CALN1: variants seen among roughly 807,000 people sequenced by gnomAD.
CALN1 encodes calneuron 1, also known as calcium-binding protein 8.
CALN1 carries 17 observed loss-of-function variants against 30.6 expected under a neutral mutation model. The observed-to-expected ratio is 0.56, with a 90% CI of 0.38 to 0.83. CALN1 has a LOEUF of 0.83. Among genes scored for constraint, CALN1 ranks in the 40% least tolerant of loss-of-function variants. CALN1 has a pLI of 0.00. For missense variants in CALN1, 291 were observed against 354.9 expected, an observed-to-expected ratio of 0.82 and a Z score of 1.45; for synonymous variants, 156 against 131.4, an observed-to-expected ratio of 1.19 and a Z score of -1.28.
intron 2 of CALN1, among the ~76,000 whole-genome samples, chr7:72,312,936 A>G (rs889802720): frequency 1.6e-4 from 24 of 152,048 alleles, no homozygotes; most frequent in Admixed American, 6.6e-4. Flanking sequence ...CCGGGTTCAA[A>G]TGATTCTCCT....
intron 2 of CALN1, among the ~76,000 whole-genome samples, chr7:72,361,733 G>C (rs2129559812): frequency 6.6e-6 from 1 of 152,266 alleles, no homozygotes; most frequent in East Asian, 1.9e-4. Flanking sequence ...GAAGTAAAAA[G>C]AACGGAAAGG....
chr7:72,171,453 A>C (rs920655961), intron 3 of CALN1, among the ~76,000 whole-genome samples: 8 of 152,128 alleles, frequency 5.3e-5, no homozygotes, highest in African/African-American at 1.4e-4. Context: ...GTGAGACCCC[A>C]TTTTTCTTAA....
chr7:72,327,058 C>A (rs1365763722), intron 2 of CALN1, among the ~76,000 whole-genome samples: 2 of 152,214 alleles, frequency 1.3e-5, no homozygotes, highest in Non-Finnish European at 2.9e-5. Flanking sequence ...CAACACTATT[C>A]AGTCATATTG....
At chr7:72,322,617 T>G (rs533063690) in intron 2 of CALN1, among the ~76,000 whole-genome samples, 1 of 151,734 alleles carries the variant, frequency 6.6e-6, no homozygotes, top group Non-Finnish European at 1.5e-5. Flanking sequence ...TTAAAACAAT[T>G]GAACTCATAG....
chr7:72,361,955 C>A (rs559227430), intron 2 of CALN1, among the ~76,000 whole-genome samples: 1 of 151,964 alleles, frequency 6.6e-6, no homozygotes, highest in South Asian at 2.1e-4. Flanking sequence ...TTTTTTCTTA[C>A]GCAGTTTTAT....
At chr7:72,311,391 A>G (rs1321824240) in intron 2 of CALN1, among the ~76,000 whole-genome samples, 1 of 151,894 alleles carries the variant, frequency 6.6e-6, no homozygotes, top group Non-Finnish European at 1.5e-5. Context: ...TTTTGGGGGG[A>G]GTCAAAAGTT....
chr7:71,994,230 G>GT (rs1799121207), intron 5 of CALN1, among the ~76,000 whole-genome samples: 1 of 152,044 alleles, frequency 6.6e-6, no homozygotes, highest in Non-Finnish European at 1.5e-5. Flanking sequence ...AGTAAAATTG[G>GT]GCCAGGCACG....
intron 3 of CALN1, among the ~76,000 whole-genome samples, chr7:72,240,919 T>G (rs1794786148): frequency 6.6e-6 from 1 of 152,184 alleles, no homozygotes; most frequent in African/African-American, 2.4e-5. Flanking sequence ...AAATATTTGG[T>G]TTTTAAAAGC....
the CALN1 span, among the ~76,000 whole-genome samples, chr7:72,501,968 A>AAT: frequency 1.0e-5 from 1 of 97,610 alleles, no homozygotes; most frequent in African/African-American, 5.1e-5. Context: ...TATATATATA[A>AAT]ATATATATAC....
At chr7:72,354,162 G>C (rs1803093502) in intron 2 of CALN1, among the ~76,000 whole-genome samples, 1 of 152,122 alleles carries the variant, frequency 6.6e-6, no homozygotes, top group Admixed American at 6.5e-5. Context: ...ACTCCAGCCT[G>C]GGTGACAGAG....
intron 5 of CALN1, among the ~76,000 whole-genome samples, chr7:71,935,852 G>C (rs1795801142): frequency 6.6e-6 from 1 of 152,174 alleles, no homozygotes; most frequent in Non-Finnish European, 1.5e-5. Context: ...TGAGGTTGCG[G>C]GATGCTTGAC....
intron 2 of CALN1, among the ~76,000 whole-genome samples, chr7:72,360,647 A>G (rs1345550891): frequency 6.8e-6 from 1 of 147,800 alleles, no homozygotes; most frequent in East Asian, 2.0e-4. Context: ...GTACACGTGC[A>G]CAACGTGCAG....
upstream of CALN1, chr7:72,447,099 C>T (rs1344474614): frequency 1.2e-5 from 2 of 162,706 alleles, no homozygotes; most frequent in East Asian, 3.2e-4. Context: ...TAAGGAGAAT[C>T]TCTAAGCCAT....
intron 5 of CALN1, among the ~76,000 whole-genome samples, chr7:71,908,823 C>T (rs1429909525): frequency 6.6e-6 from 1 of 152,192 alleles, no homozygotes; most frequent in East Asian, 1.9e-4. Flanking sequence ...CCCCCAGTTC[C>T]AATGAGTCAA....
intron 4 of CALN1, among the ~76,000 whole-genome samples, chr7:72,045,544 T>C (rs1015602715): frequency 6.6e-6 from 1 of 152,150 alleles, no homozygotes; most frequent in African/African-American, 2.4e-5. Flanking sequence ...TTTTCTTTTT[T>C]TGGAGACAGG....
intron 5 of CALN1, among the ~76,000 whole-genome samples, chr7:71,931,045 A>G (rs928294098): frequency 2.0e-5 from 3 of 152,186 alleles, no homozygotes; most frequent in African/African-American, 7.2e-5. Context: ...AATCAAGGAA[A>G]CTGTGGAGGT....
intron 4 of CALN1, among the ~76,000 whole-genome samples, chr7:72,060,819 T>C (rs1803595722): frequency 6.6e-6 from 1 of 152,194 alleles, no homozygotes; most frequent in African/African-American, 2.4e-5. Flanking sequence ...CTGCCATGAC[T>C]GAAAGCTTCC....
chr7:72,104,233 T>C (rs77420503), intron 4 of CALN1: 1 of 152,486 alleles, frequency 6.6e-6, no homozygotes, highest in East Asian at 1.9e-4. Flanking sequence ...GGTCTTGGGT[T>C]AGGACCTCCG....
intron 3 of CALN1, 85 bp downstream of exon 3, chr7:72,278,601 C>T: frequency 6.4e-7 from 1 of 1,567,162 alleles, no homozygotes; most frequent in South Asian, 1.1e-5. Context: ...TGGCCAAAGT[C>T]CAGGGCTTTC....
Sources: gnomAD v4.1 joint callset for allele counts (sites outside exome capture counted in the v4.1 genomes callset) on GRCh38, gnomAD v4.1.1 for gene constraint, MANE v1.5 for transcripts, NCBI Gene and HGNC (gene_info 2026-07-23, HGNC 2026-07-21) for gene names.